The following GALNT10 variants were observed in gnomAD, a reference collection of about 807,000 sequenced individuals.
GALNT10 encodes the protein GalNAc transferase 10.
GALNT10 carries 41 observed loss-of-function variants against 75.0 expected under a neutral mutation model. The ratio of observed to expected loss-of-function variants is 0.55; its 90% confidence interval spans 0.43 to 0.71. The LOEUF (loss-of-function observed/expected upper bound fraction) is 0.71, where lower values mean the gene tolerates loss of function less well. GALNT10 is among the 30% of genes least tolerant of loss of function. The pLI is 0.00. For missense variants in GALNT10, 727 were observed against 818.5 expected, an observed-to-expected ratio of 0.89 and a Z score of 1.36; for synonymous variants, 302 against 313.0, an observed-to-expected ratio of 0.96 and a Z score of 0.37.
chr5:154,400,045 G>A (rs1212330159), intron 7 of GALNT10, among the ~76,000 whole-genome samples: 1 of 152,190 alleles, frequency 6.6e-6, no homozygotes, highest in Non-Finnish European at 1.5e-5. Flanking sequence ...GGCTGAGGCA[G>A]GAGGGTCACT....
At chr5:154,415,954 G>A (rs1050543445) in intron 11 of GALNT10, 22 bp downstream of exon 11, 1 of 1,610,002 alleles carries the variant, frequency 6.2e-7, no homozygotes, top group Admixed American at 1.7e-5. Context: ...TGCGGGGGGA[G>A]CAGGGCACCT....
intron 1 of GALNT10, among the ~76,000 whole-genome samples, chr5:154,222,325 A>G (rs1313871462): frequency 6.6e-6 from 1 of 151,738 alleles, no homozygotes; most frequent in African/African-American, 2.4e-5. Flanking sequence ...GCTGAGTAGT[A>G]GACCATTACA....
At chr5:154,275,661 C>T in intron 1 of GALNT10, among the ~76,000 whole-genome samples, 1 of 152,224 alleles carries the variant, frequency 6.6e-6, no homozygotes, top group East Asian at 1.9e-4. Context: ...CAAGATGGCT[C>T]ATTCGCATGA....
Position 154,207,123 on chromosome 5 carries a change from C to A in GALNT10, c.159+16098C>A, listed in dbSNP as rs556227641. ...TTATCATCTTTGATCCTCACAGCAA[C>A]CCAATAACATACTCACTCTAATTAT... is the stretch of plus-strand genomic sequence containing the variant. On this transcript the variant is annotated intron_variant, in intron 1 of 11. Coordinates refer to ENST00000297107, the MANE Select transcript of GALNT10 (RefSeq NM_198321.4). Among the ~76,000 whole-genome samples the A allele has an allele frequency of 2.3e-3, 349 of 152,308 alleles. 1 individual carries two copies. The highest frequency in any genetic ancestry group is 3.9e-3 in the Non-Finnish European group (263 of 68,024).
Position 154,301,040 on chromosome 5 carries a change from C to T in GALNT10, c.401+2961C>T, listed in dbSNP as rs529444009. Among the ~76,000 whole-genome samples, 3 of 152,264 alleles carry T rather than the reference C, an allele frequency of 2.0e-5. No individual in the cohort carries two copies. The East Asian group carries it at 5.8e-4, about 29-fold the overall frequency. On this transcript the variant is annotated intron_variant, in intron 3 of 11. Coordinates refer to ENST00000297107, the MANE Select transcript of GALNT10 (RefSeq NM_198321.4). Reference sequence around the variant, plus strand: ...GTGGAGCCAGGATGAGGACCTAGCCCCTTTGTCTCCCATTGTAGTGCTCTT... The same window carrying T: ...GTGGAGCCAGGATGAGGACCTAGCCTCTTTGTCTCCCATTGTAGTGCTCTT...
chr5:154,315,025 C>T lies in GALNT10; in HGVS notation c.402-14547C>T, dbSNP rs1754576392. On this transcript the variant is annotated intron_variant, in intron 3 of 11. Transcript: ENST00000297107. ...GTAGAACAACAACAGTGTGTCCTAGCAGTCTCAGTGTCTATGACCTGGAAG... is the reference window on the plus strand; with the variant it reads ...GTAGAACAACAACAGTGTGTCCTAGTAGTCTCAGTGTCTATGACCTGGAAG... Among the ~76,000 whole-genome samples, 6 of 152,102 alleles carry T rather than the reference C, an allele frequency of 3.9e-5. No individual in the cohort carries two copies. The South Asian group carries it at 1.2e-3, about 32-fold the overall frequency.
rs573769015 is a variant in GALNT10 at position 154,302,101 on chromosome 5, G to C, written c.401+4022G>C. ...TCCTGCAGTTTGACAGCAGAAATGTGTGAGTAAATTAGAGCAGTCGAGCCG... is the reference window on the plus strand; with the variant it reads ...TCCTGCAGTTTGACAGCAGAAATGTCTGAGTAAATTAGAGCAGTCGAGCCG... On this transcript the variant is annotated intron_variant, in intron 3 of 11. Transcript: ENST00000297107. Among the ~76,000 whole-genome samples, 7 of 152,366 alleles carry C rather than the reference G, an allele frequency of 4.6e-5. No individual in the cohort carries two copies. The East Asian group carries it at 1.2e-3, about 25-fold the overall frequency.
At chr5:154,321,495 T>A (rs1401799777) in intron 3 of GALNT10, among the ~76,000 whole-genome samples, 1 of 151,968 alleles carries the variant, frequency 6.6e-6, no homozygotes, top group Non-Finnish European at 1.5e-5. Context: ...GTTAGTTTGT[T>A]TTTTTTATTT....
At chr5:154,315,527 G>A (rs962281435) in intron 3 of GALNT10, among the ~76,000 whole-genome samples, 2 of 152,216 alleles carry the variant, frequency 1.3e-5, no homozygotes, top group Non-Finnish European at 2.9e-5. Context: ...CATTAGCTCT[G>A]TGACATTCTT....
intron 2 of GALNT10, among the ~76,000 whole-genome samples, chr5:154,297,328 A>C (rs956680070): frequency 1.3e-5 from 2 of 152,262 alleles, no homozygotes; most frequent in Non-Finnish European, 2.9e-5. Flanking sequence ...AAAAACAAAA[A>C]TAAAATCAAA....
intron 1 of GALNT10, among the ~76,000 whole-genome samples, chr5:154,267,999 A>G (rs1302745396): frequency 1.3e-5 from 2 of 152,372 alleles, no homozygotes; most frequent in Middle Eastern, 6.8e-3. Context: ...AGCAAATTTT[A>G]TAGGCAGCTT....
At chr5:154,223,154 CA>C (rs1753009087) in intron 1 of GALNT10, among the ~76,000 whole-genome samples, 1 of 152,194 alleles carries the variant, frequency 6.6e-6, no homozygotes, top group Non-Finnish European at 1.5e-5. Flanking sequence ...CAGACATAAT[CA>C]GACATGGACA....
intron 3 of GALNT10, among the ~76,000 whole-genome samples, chr5:154,325,580 A>G (rs992948302): frequency 4.6e-5 from 7 of 152,064 alleles, no homozygotes; most frequent in African/African-American, 1.7e-4. Context: ...GTGTAAATAC[A>G]TCATATTAAT....
intron 4 of GALNT10, among the ~76,000 whole-genome samples, chr5:154,330,761 A>C (rs1242716773): frequency 1.3e-5 from 2 of 152,198 alleles, no homozygotes; most frequent in African/African-American, 4.8e-5. Context: ...AGAGGCACTA[A>C]TAAGCAGTGA....
intron 3 of GALNT10, among the ~76,000 whole-genome samples, chr5:154,327,488 G>A (rs1754772655): frequency 6.6e-6 from 1 of 152,174 alleles, no homozygotes; most frequent in African/African-American, 2.4e-5. Context: ...AAGGACTCAG[G>A]AACCAACCTG....
chr5:154,219,822 T>TCACA (rs1752945224), intron 1 of GALNT10: 2 of 79,462 alleles, frequency 2.5e-5, no homozygotes, highest in Admixed American at 3.3e-4. Context: ...GCTCTCTCTC[T>TCACA]CTCTCTCTCT....
At chr5:154,367,993 G>C (rs996857749) in intron 4 of GALNT10, among the ~76,000 whole-genome samples, 4 of 152,202 alleles carry the variant, frequency 2.6e-5, no homozygotes, top group Non-Finnish European at 5.9e-5. Flanking sequence ...AGATGGCCTA[G>C]GTTGATTTTT....
At chr5:154,267,004 T>G (rs1002497090) in intron 1 of GALNT10, among the ~76,000 whole-genome samples, 2 of 152,218 alleles carry the variant, frequency 1.3e-5, no homozygotes, top group Non-Finnish European at 2.9e-5. Context: ...TAGCACCTTC[T>G]GCTAATATTG....
chr5:154,194,812 T>G (rs1774910676), intron 1 of GALNT10, among the ~76,000 whole-genome samples: 1 of 152,250 alleles, frequency 6.6e-6, no homozygotes, highest in Non-Finnish European at 1.5e-5. Flanking sequence ...TCAGCAGGGC[T>G]ACTCAAGTAG....
Sources: allele counts gnomAD v4.1 joint callset (sites outside exome capture counted in the v4.1 genomes callset), GRCh38; gene constraint gnomAD v4.1.1; transcripts MANE v1.5; gene names NCBI Gene and HGNC (gene_info 2026-07-23, HGNC 2026-07-21).